LGSN: variants seen among roughly 807,000 people sequenced by gnomAD.
LGSN encodes lengsin, lens protein with glutamine synthetase domain.
In LGSN, 21 loss-of-function variants were observed where a neutral mutation model predicts 19.5. The ratio of observed to expected loss-of-function variants is 1.07; its 90% confidence interval spans 0.76 to 1.55. The LOEUF is 1.55. LGSN is among the 40% of genes most tolerant of loss of function. The probability of loss-of-function intolerance (pLI) is 0.00; values close to 1 mark genes in which losing one functional copy is unlikely to be tolerated. For missense variants in LGSN, 673 were observed against 608.5 expected, an observed-to-expected ratio of 1.11 and a Z score of -1.12; for synonymous variants, 257 against 215.6, an observed-to-expected ratio of 1.19 and a Z score of -1.68.
chr6:63,447,868 A>G, the LGSN span, among the ~76,000 whole-genome samples: 1 of 152,212 alleles, frequency 6.6e-6, no homozygotes, highest in Non-Finnish European at 1.5e-5. Context: ...CATGTTATTG[A>G]TAATTAAATG....
At chr6:63,364,585 C>T in the LGSN span, among the ~76,000 whole-genome samples, 1 of 152,156 alleles carries the variant, frequency 6.6e-6, no homozygotes, top group African/African-American at 2.4e-5. Context: ...ACCAAGCAAA[C>T]CTAATAGACA....
upstream of LGSN, among the ~76,000 whole-genome samples, chr6:63,321,062 A>G (rs191515991): frequency 9.3e-4 from 142 of 152,258 alleles, no homozygotes; most frequent in Non-Finnish European, 1.7e-3. Flanking sequence ...CATCCTGAAT[A>G]TGGCTGTTTT....
At chr6:63,322,861 G>A (rs1769117549), upstream of LGSN, among the ~76,000 whole-genome samples, 1 of 152,114 alleles carries the variant, frequency 6.6e-6, no homozygotes, top group Admixed American at 6.6e-5. Flanking sequence ...ACATTGGCAG[G>A]GAAACTGAAG....
At chr6:63,307,533 A>G (rs887441925) in intron 1 of LGSN, among the ~76,000 whole-genome samples, 6 of 152,236 alleles carry the variant, frequency 3.9e-5, no homozygotes, top group African/African-American at 1.4e-4. Context: ...TAGGACAGGT[A>G]GAAAAGTTTG....
chr6:63,564,072 C>T, the LGSN span, among the ~76,000 whole-genome samples: 7 of 152,034 alleles, frequency 4.6e-5, no homozygotes, highest in East Asian at 5.8e-4. Flanking sequence ...GTCAGGAGTT[C>T]GAGACCAGCC....
At chr6:63,484,424 T>C in the LGSN span, among the ~76,000 whole-genome samples, 14 of 152,110 alleles carry the variant, frequency 9.2e-5, no homozygotes, top group African/African-American at 3.4e-4. Flanking sequence ...CTCAGGAGAC[T>C]GAGACAGGAG....
chr6:63,462,385 C>T, the LGSN span, among the ~76,000 whole-genome samples: 1 of 152,138 alleles, frequency 6.6e-6, no homozygotes, highest in Non-Finnish European at 1.5e-5. Context: ...GTAATCCCAG[C>T]ACTTTGGGAG....
chr6:63,481,734 T>A, the LGSN span: 1 of 212,132 alleles, frequency 4.7e-6, no homozygotes, highest in Non-Finnish European at 9.6e-6. Flanking sequence ...GGGGCTCCTC[T>A]CAACTAGTTA....
the LGSN span, among the ~76,000 whole-genome samples, chr6:63,348,257 C>A: frequency 6.6e-6 from 1 of 152,174 alleles, no homozygotes; most frequent in East Asian, 1.9e-4. Context: ...AGTTCGAGAC[C>A]AGCCTGGTCA....
chr6:63,436,500 T>C, the LGSN span, among the ~76,000 whole-genome samples: 3 of 152,220 alleles, frequency 2.0e-5, no homozygotes, highest in Non-Finnish European at 1.5e-5. Flanking sequence ...GTTCACTTCA[T>C]TTGCAAGTAC....
chr6:63,309,345 T>C lies in LGSN; in HGVS notation c.30+10569A>G, dbSNP rs1212273321. Among the ~76,000 whole-genome samples the C allele has an allele frequency of 2.0e-5, 3 of 152,010 alleles. No individual in the cohort carries two copies. The East Asian group carries it at 5.8e-4, about 29-fold the overall frequency. ...TACTCCAGAGGCTGAAGCAGGAGAA[T>C]TGCTTGAATTTGGGAGGCAGAGGTT... On this transcript the variant is annotated intron_variant, in intron 1 of 3. Coordinates refer to ENST00000370657, the MANE Select transcript of LGSN (RefSeq NM_016571.3).
chr6:63,542,067 A>C, the LGSN span, among the ~76,000 whole-genome samples: 2 of 145,862 alleles, frequency 1.4e-5, no homozygotes, highest in East Asian at 4.3e-4. Context: ...GTGTGTATAC[A>C]TACACAATGG....
the LGSN span, among the ~76,000 whole-genome samples, chr6:63,459,769 C>A: frequency 6.6e-6 from 1 of 151,990 alleles, no homozygotes; most frequent in Non-Finnish European, 1.5e-5. Flanking sequence ...CAAAAATTAG[C>A]CAGGCGTGGT....
At chr6:63,521,361 G>C in the LGSN span, among the ~76,000 whole-genome samples, 2 of 152,154 alleles carry the variant, frequency 1.3e-5, no homozygotes, top group African/African-American at 4.8e-5. Context: ...TTAAAAGTCA[G>C]ACAGATTTCA....
chr6:63,418,106 T>C, the LGSN span, among the ~76,000 whole-genome samples: 1 of 152,302 alleles, frequency 6.6e-6, no homozygotes, highest in South Asian at 2.1e-4. Flanking sequence ...TAAGGCTAAT[T>C]GCCTTTCCCA....
chr6:63,499,596 G>A, the LGSN span, among the ~76,000 whole-genome samples: 16 of 152,056 alleles, frequency 1.1e-4, no homozygotes, highest in Admixed American at 6.5e-4. Context: ...CCTGCTTCAG[G>A]TGCATAAAAA....
the LGSN span, among the ~76,000 whole-genome samples, chr6:63,547,482 G>A: frequency 2.0e-5 from 3 of 147,428 alleles, no homozygotes; most frequent in East Asian, 2.0e-4. Flanking sequence ...CTGCCACCTC[G>A]CCCGGCCAGG....
the LGSN span, among the ~76,000 whole-genome samples, chr6:63,473,651 T>G: frequency 1.3e-5 from 2 of 151,816 alleles, no homozygotes; most frequent in Admixed American, 1.3e-4. Flanking sequence ...CCTTCATTGT[T>G]ACGAAACAGA....
chr6:63,547,508 T>C, the LGSN span, among the ~76,000 whole-genome samples: 1 of 142,010 alleles, frequency 7.0e-6, no homozygotes, highest in South Asian at 2.3e-4. Context: ...ATTTTTTTTT[T>C]TTTTTTTTTT....
Sources: gnomAD v4.1 joint callset for allele counts (sites outside exome capture counted in the v4.1 genomes callset) on GRCh38, gnomAD v4.1.1 for gene constraint, MANE v1.5 for transcripts, NCBI Gene and HGNC (gene_info 2026-07-23, HGNC 2026-07-21) for gene names.